The following RPH3A variants were observed in gnomAD, a reference collection of about 807,000 sequenced individuals.
RPH3A encodes rabphilin 3A, also known as rabphilin-3A.
Under a neutral mutation model 102.2 loss-of-function variants are expected in RPH3A, and 48 were observed. The ratio of observed to expected loss-of-function variants is 0.47; its 90% CI spans 0.37 to 0.60. The LOEUF is 0.60. Ranked by LOEUF, RPH3A falls within the 20% of genes least tolerant of loss-of-function variation. The probability of loss-of-function intolerance (pLI) is 0.00; values close to 1 mark genes in which losing one functional copy is unlikely to be tolerated. For missense variants in RPH3A, 781 were observed against 910.1 expected (o/e 0.86, Z 1.83); for synonymous variants, 310 against 324.3 (o/e 0.96, Z 0.47).
At chr12:112,769,460 G>A (rs1249225476) in intron 1 of RPH3A, among the ~76,000 whole-genome samples, 3 of 152,232 alleles carry the variant, frequency 2.0e-5, no homozygotes, top group African/African-American at 7.2e-5. Flanking sequence ...GTTAATTTGT[G>A]TATTGCTGTC....
intron 1 of RPH3A, among the ~76,000 whole-genome samples, chr12:112,723,056 C>T (rs903560066): frequency 6.6e-6 from 1 of 152,162 alleles, no homozygotes; most frequent in African/African-American, 2.4e-5. Flanking sequence ...AATAACTTTA[C>T]AATTTGCCGA....
Position 112,840,129 on chromosome 12 carries a change from A to T in RPH3A, c.83+3627A>T, listed in dbSNP as rs376843301. ...TAAACCATATTTCATGCTTTTACTA[A>T]AATATTAAATATTAATTTTTTCCCC... On this transcript the variant is annotated intron_variant, in intron 4 of 21. Transcript: ENST00000389385. 6.6e-5 allele frequency among the ~76,000 whole-genome samples: 10 copies of T among 152,348 alleles called. No homozygotes were observed. The East Asian group carries it at 1.9e-3, about 29-fold the overall frequency.
chr12:112,582,614 C>CTT (rs1263270263), intron 1 of RPH3A, among the ~76,000 whole-genome samples: 2,997 of 116,244 alleles, frequency 0.026, 139 homozygotes, highest in Non-Finnish European at 0.033. Flanking sequence ...GTCCAGCTAG[C>CTT]TTTTTTTTTT....
chr12:112,786,927 C>T (rs1295518141), upstream of RPH3A, among the ~76,000 whole-genome samples: 2 of 152,176 alleles, frequency 1.3e-5, no homozygotes, highest in African/African-American at 2.4e-5. Context: ...CTTCTGGAGG[C>T]TCTCAGGGAG....
chr12:112,655,450 C>A (rs1309066738), intron 1 of RPH3A, among the ~76,000 whole-genome samples: 3 of 151,628 alleles, frequency 2.0e-5, no homozygotes, highest in African/African-American at 7.3e-5. Context: ...CAACTTTTTG[C>A]TTAAACTGTG....
chr12:112,723,620 A>G (rs1395649477), intron 1 of RPH3A, among the ~76,000 whole-genome samples: 1 of 152,218 alleles, frequency 6.6e-6, no homozygotes, highest in African/African-American at 2.4e-5. Context: ...GGTTTATGGT[A>G]TTGCACCAAA....
At chr12:112,621,625 T>C (rs951551726) in intron 1 of RPH3A, among the ~76,000 whole-genome samples, 2 of 151,148 alleles carry the variant, frequency 1.3e-5, no homozygotes, top group African/African-American at 2.4e-5. Context: ...GCAGCGAGGC[T>C]GGGGGAGGGG....
intron 1 of RPH3A, among the ~76,000 whole-genome samples, chr12:112,669,407 A>AGCT (rs1479039877): frequency 2.6e-5 from 4 of 152,260 alleles, no homozygotes; most frequent in Non-Finnish European, 5.9e-5. Context: ...TTGAGTTCAA[A>AGCT]GAAATGTTGG....
At chr12:112,844,949 A>G (rs1377796661) in intron 4 of RPH3A, among the ~76,000 whole-genome samples, 1 of 152,162 alleles carries the variant, frequency 6.6e-6, no homozygotes, top group Non-Finnish European at 1.5e-5. Context: ...GTTTGGTGCT[A>G]GCTGTTGGCT....
rs928163460 is a variant in RPH3A at position 112,798,595 on chromosome 12, A to G, written c.-19+6332A>G. On this transcript the variant is annotated intron_variant, in intron 2 of 21. Coordinates refer to ENST00000389385, the MANE Select transcript of RPH3A (RefSeq NM_001143854.2). ...AAGTTCGTTGGGAGGCTTTTCATGC[A>G]AGGTGCTGCCAAATGGCATCTGTGT... Among the ~76,000 whole-genome samples the G allele has an allele frequency of 3.9e-5, 6 of 152,258 alleles. No individual in the cohort carries two copies. The East Asian group carries it at 1.2e-3, about 29-fold the overall frequency.
chr12:112,850,259 G>A (rs2042302072), intron 5 of RPH3A, among the ~76,000 whole-genome samples: 1 of 152,048 alleles, frequency 6.6e-6, no homozygotes, highest in South Asian at 2.1e-4. Context: ...AGCATGCAAA[G>A]GATTATCGTG....
intron 1 of RPH3A, among the ~76,000 whole-genome samples, chr12:112,678,528 C>A (rs2040203958): frequency 6.6e-6 from 1 of 151,916 alleles, no homozygotes; most frequent in East Asian, 1.9e-4. Context: ...TTGACAACAC[C>A]AAGAAAATCA....
intron 1 of RPH3A, among the ~76,000 whole-genome samples, chr12:112,622,226 G>A (rs1381336679): frequency 2.3e-5 from 2 of 87,558 alleles, no homozygotes; most frequent in Admixed American, 2.2e-4. Context: ...TTGACGAGCT[G>A]AGAGAAGAAG....
chr12:112,631,488 CA>C (rs1345608886), intron 1 of RPH3A, among the ~76,000 whole-genome samples: 1 of 151,912 alleles, frequency 6.6e-6, no homozygotes, highest in Admixed American at 6.6e-5. Context: ...CCACTTTTAA[CA>C]AAAAAGTGTA....
chr12:112,792,439 A>G (rs1237398800), intron 2 of RPH3A, among the ~76,000 whole-genome samples, 176 bp downstream of exon 2: 1 of 152,234 alleles, frequency 6.6e-6, no homozygotes, highest in African/African-American at 2.4e-5. Flanking sequence ...GGCATCCCAA[A>G]GCCAAATGAG....
At chr12:112,838,592 A>C (rs2042093086) in intron 4 of RPH3A, among the ~76,000 whole-genome samples, 1 of 152,242 alleles carries the variant, frequency 6.6e-6, no homozygotes, top group Non-Finnish European at 1.5e-5. Flanking sequence ...GAAGAAAGAA[A>C]AGAAAAAGGA....
intron 4 of RPH3A, among the ~76,000 whole-genome samples, chr12:112,838,930 C>T (rs1380634717): frequency 1.3e-5 from 2 of 152,122 alleles, no homozygotes; most frequent in African/African-American, 4.8e-5. Context: ...TCTGACCCCT[C>T]ATGGTGCACC....
intron 1 of RPH3A, among the ~76,000 whole-genome samples, chr12:112,674,155 A>T (rs962164038): frequency 3.3e-5 from 5 of 152,172 alleles, no homozygotes; most frequent in Middle Eastern, 3.4e-3. Flanking sequence ...ACTCCTGGTC[A>T]CAAGCAATGC....
At chr12:112,841,199 C>T (rs1208816463) in intron 4 of RPH3A, among the ~76,000 whole-genome samples, 4 of 75,698 alleles carry the variant, frequency 5.3e-5, no homozygotes, top group Admixed American at 1.3e-4. Context: ...AAAAAAGCCT[C>T]GTTGGAAAAA....
Sources: gnomAD v4.1 joint callset for allele counts (sites outside exome capture counted in the v4.1 genomes callset) on GRCh38, gnomAD v4.1.1 for gene constraint, MANE v1.5 for transcripts, NCBI Gene and HGNC (gene_info 2026-07-23, HGNC 2026-07-21) for gene names.